PAFAH1B2: variants seen among roughly 807,000 people sequenced by gnomAD.
PAFAH1B2 encodes platelet-activating factor acetylhydrolase IB subunit alpha2.
PAFAH1B2 carries 8 observed loss-of-function variants against 28.0 expected under a neutral mutation model. The observed-to-expected ratio is 0.29, with a 90% CI of 0.17 to 0.52. The LOEUF (loss-of-function observed/expected upper bound fraction) is 0.52. PAFAH1B2 is among the 20% of genes least tolerant of loss of function. The pLI is 0.97. For missense variants in PAFAH1B2, 190 were observed against 282.6 expected (o/e 0.67, Z 2.35); for synonymous variants, 104 against 103.2 (o/e 1.01, Z -0.05).
chr11:117,169,367 T>A lies in PAFAH1B2; in HGVS notation c.*1668T>A. ...AATATGTACAAACTGGATCTATAGA[T>A]ATTTTGAACTGGACCAGGTGGGTAT... On this transcript the variant is annotated 3_prime_UTR_variant, in exon 6 of 6. Coordinates refer to ENST00000527958, the MANE Select transcript of PAFAH1B2 (RefSeq NM_002572.4). The A allele has an allele frequency of 9.5e-7, 1 of 1,050,926 alleles. No homozygotes were observed. The highest frequency in any genetic ancestry group is 1.1e-6 in the Non-Finnish European group (1 of 870,250). 65.1% of individuals were successfully genotyped at this position (1,050,926 alleles called of 1,614,324 possible).
chr11:117,168,446 G>GTTTGTTGTTGT lies in PAFAH1B2; in HGVS notation c.*750_*751insGTTGTTGTTTT, dbSNP rs55659804. ...TCCCCTTCATTCCCCCCGCCACCCC[G>GTTTGTTGTTGT]TTTTTTTTTTTTTTTTTTTTTTTTT... On this transcript the variant is annotated 3_prime_UTR_variant, in exon 6 of 6. Transcript: ENST00000527958. 1.7e-5 allele frequency: 4 copies of GTTTGTTGTTGT among 234,816 alleles called. No homozygotes were observed. Among genetic ancestry groups the GTTTGTTGTTGT allele is most frequent in the Admixed American group, 7.4e-4 (1 of 1,344 alleles). The allele number at this position is 234,816 out of a possible 1,614,324, so 14.5% of individuals were successfully genotyped here. A position where few individuals can be genotyped will look rare whatever the true frequency, so the allele number is the denominator to read the frequency against.
intron 2 of PAFAH1B2, 29 bp from the exon 3 acceptor site, chr11:117,159,902 TTAA>T (rs755407162): frequency 1.4e-6 from 2 of 1,466,202 alleles, no homozygotes; most frequent in East Asian, 4.6e-5. Flanking sequence ...GAAGTGCCAG[TTAA>T]TAATTTTTTT....
Position 117,170,652 on chromosome 11 carries a change from AACTT to A in PAFAH1B2, c.*2958_*2961del, listed in dbSNP as rs902050686. On this transcript the variant is annotated 3_prime_UTR_variant, in exon 6 of 6. Coordinates refer to ENST00000527958, the MANE Select transcript of PAFAH1B2 (RefSeq NM_002572.4). ...AAAAAAAAAAAAAAAAAAAAAGTCC[AACTT>A]ACTTTATTTTATTTTTTTAACCTAG... The A allele has an allele frequency of 4.7e-6, 5 of 1,054,228 alleles. No individual in the cohort carries two copies. Among genetic ancestry groups the A allele is most frequent in the Admixed American group, 5.4e-5 (1 of 18,404 alleles). 65.3% of individuals were successfully genotyped at this position (1,054,228 alleles called of 1,614,324 possible). A position where few individuals can be genotyped will look rare whatever the true frequency, so the allele number is the denominator to read the frequency against.
chr11:117,159,812 A>G, intron 2 of PAFAH1B2, 122 bp from the exon 3 acceptor site: 1 of 669,166 alleles, frequency 1.5e-6, no homozygotes, highest in Non-Finnish European at 2.7e-6. Flanking sequence ...GCTGATCTCA[A>G]ACTCCTGACC....
intron 1 of PAFAH1B2, among the ~76,000 whole-genome samples, chr11:117,151,877 T>C (rs955378272): frequency 2.0e-5 from 3 of 152,052 alleles, no homozygotes; most frequent in African/African-American, 7.2e-5. Flanking sequence ...CGGCTAATTT[T>C]TTTGTATTTT....
At chr11:117,164,879 C>CA (rs1189954799) in intron 5 of PAFAH1B2, among the ~76,000 whole-genome samples, 7 of 150,776 alleles carry the variant, frequency 4.6e-5, no homozygotes, top group Non-Finnish European at 1.0e-4. Flanking sequence ...ACTAAAAATA[C>CA]AAAAAAATTA....
At chr11:117,154,918 C>T (rs557619635) in intron 2 of PAFAH1B2, among the ~76,000 whole-genome samples, 1 of 152,138 alleles carries the variant, frequency 6.6e-6, no homozygotes, top group African/African-American at 2.4e-5. Context: ...GGTTTATTCT[C>T]TCTGAATGGA....
At chr11:117,172,140 A>G (rs1405230273), downstream of PAFAH1B2, among the ~76,000 whole-genome samples, 3 of 152,066 alleles carry the variant, frequency 2.0e-5, no homozygotes, top group Non-Finnish European at 2.9e-5. Context: ...CCTCACCAGC[A>G]TCTGTACTTG....
chr11:117,147,689 T>C (rs1234538541), intron 1 of PAFAH1B2, among the ~76,000 whole-genome samples: 1 of 152,164 alleles, frequency 6.6e-6, no homozygotes, highest in Non-Finnish European at 1.5e-5. Context: ...TAATAAGATT[T>C]TGATTGACAA....
intron 2 of PAFAH1B2, among the ~76,000 whole-genome samples, chr11:117,156,328 G>T (rs1956254410): frequency 6.6e-6 from 1 of 152,190 alleles, no homozygotes; most frequent in South Asian, 2.1e-4. Flanking sequence ...CAATAGCTGG[G>T]ACTCTTTAAC....
chr11:117,172,394 ATATATATATATTTTT>A (rs1956688257), downstream of PAFAH1B2, among the ~76,000 whole-genome samples: 1 of 2,144 alleles, frequency 4.7e-4, no homozygotes, highest in East Asian at 0.02. Flanking sequence ...ATATATATAT[ATATATATATATTTTT>A]TTTTTTTTTT....
chr11:117,152,233 C>T (rs144436365), intron 1 of PAFAH1B2, among the ~76,000 whole-genome samples: 31 of 152,100 alleles, frequency 2.0e-4, no homozygotes, highest in East Asian at 7.7e-4. Context: ...AGCTATCTGG[C>T]GGTTTAGTGG....
At chr11:117,175,507 TG>T (rs2029928198), downstream of PAFAH1B2, 3 of 1,096,104 alleles carry the variant, frequency 2.7e-6, no homozygotes, top group South Asian at 4.0e-5. Context: ...CTTGAGACCT[TG>T]CAAAAGGGAA....
chr11:117,176,570 C>A, exon 6 of PAFAH1B2: 1 of 181,772 alleles, frequency 5.5e-6, no homozygotes, highest in Non-Finnish European at 1.2e-5. Context: ...GGCCACATTT[C>A]TTTTCCTTTA....
intron 2 of PAFAH1B2, among the ~76,000 whole-genome samples, chr11:117,157,771 G>A (rs1025440378): frequency 3.9e-5 from 6 of 152,272 alleles, no homozygotes; most frequent in Admixed American, 2.6e-4. Context: ...GGGAAAAAAA[G>A]AGAGTAGGCC....
At position 117,168,980 on chromosome 11, in the gene PAFAH1B2, G is replaced by A. The variant is rs1339036417; in HGVS notation, c.*1281G>A. 1.8e-5 allele frequency: 6 copies of A among 329,156 alleles called. No homozygotes were observed. Among genetic ancestry groups the A allele is most frequent in the East Asian group, 1.7e-4 (2 of 11,458 alleles). 20.4% of individuals were successfully genotyped at this position (329,156 alleles called of 1,614,324 possible). A position where few individuals can be genotyped will look rare whatever the true frequency, so the allele number is the denominator to read the frequency against. On this transcript the variant is annotated 3_prime_UTR_variant, in exon 6 of 6. Coordinates refer to ENST00000527958, the MANE Select transcript of PAFAH1B2 (RefSeq NM_002572.4). The stretch of plus-strand genomic sequence containing the variant: ...TAATTTTTATATTTTTATTAGAGAC[G>A]GGATTTCGCCATGTTAACCAGGCTG...
chr11:117,174,986 A>G, downstream of PAFAH1B2: 1 of 1,466,424 alleles, frequency 6.8e-7, no homozygotes, highest in Non-Finnish European at 9.0e-7. Context: ...CCCAAACTTC[A>G]TAAATCCCCT....
downstream of PAFAH1B2, chr11:117,175,568 C>T (rs1591761749): frequency 4.5e-6 from 5 of 1,119,012 alleles, no homozygotes; most frequent in Non-Finnish European, 4.4e-6. Flanking sequence ...ATATTGCCAG[C>T]GGAAAGGGAG....
downstream of PAFAH1B2, chr11:117,171,745 C>T (rs575125700): frequency 6.5e-7 from 1 of 1,535,072 alleles, no homozygotes; most frequent in South Asian, 1.2e-5. Flanking sequence ...AGCAATATTA[C>T]AGTGAGTTGG....
Sources: allele counts gnomAD v4.1 joint callset (sites outside exome capture counted in the v4.1 genomes callset), GRCh38; gene constraint gnomAD v4.1.1; transcripts MANE v1.5; gene names NCBI Gene and HGNC (gene_info 2026-07-23, HGNC 2026-07-21).